The following CAMTA1 variants were observed in gnomAD, a reference collection of about 807,000 sequenced individuals.
CAMTA1 encodes the protein calmodulin binding transcription activator 1, also known as calmodulin-binding transcription activator 1.
In CAMTA1, 27 loss-of-function variants were observed where a neutral mutation model predicts 170.9. The observed-to-expected ratio is 0.16, with a 90% CI of 0.12 to 0.22. The LOEUF (loss-of-function observed/expected upper bound fraction) is 0.22. Ranked by LOEUF, CAMTA1 falls within the 10% of genes least tolerant of loss-of-function variation. The probability of loss-of-function intolerance (pLI) is 1.00; values close to 1 mark genes in which losing one functional copy is unlikely to be tolerated. For synonymous variants in CAMTA1, 833 were observed against 891.5 expected, an observed-to-expected ratio of 0.93 and a Z score of 1.17; for missense variants, 1,619 against 2,217.2, an observed-to-expected ratio of 0.73 and a Z score of 5.42.
At chr1:7,374,815 G>A (rs550757549) in intron 5 of CAMTA1, among the ~76,000 whole-genome samples, 19 of 152,282 alleles carry the variant, frequency 1.2e-4, no homozygotes, top group Non-Finnish European at 2.4e-4. Context: ...TTACCCCCAC[G>A]TTGCAAGGGA....
intron 4 of CAMTA1, among the ~76,000 whole-genome samples, chr1:7,221,008 AT>A (rs1384289763): frequency 6.6e-6 from 1 of 152,096 alleles, no homozygotes; most frequent in East Asian, 1.9e-4. Flanking sequence ...CTCACGGGGA[AT>A]TCCTCCTAGA....
intron 4 of CAMTA1, among the ~76,000 whole-genome samples, chr1:7,150,855 C>G (rs1646531444): frequency 6.6e-6 from 1 of 152,202 alleles, no homozygotes; most frequent in Admixed American, 6.5e-5. Flanking sequence ...GTTGTCACTA[C>G]TGGCTGGTGC....
intron 3 of CAMTA1, among the ~76,000 whole-genome samples, chr1:6,900,144 G>A (rs1013860641): frequency 6.6e-6 from 1 of 152,216 alleles, no homozygotes; most frequent in African/African-American, 2.4e-5. Context: ...AGGTGATAGA[G>A]CCTGGAGATA....
chr1:7,330,034 C>T (rs555947271), intron 5 of CAMTA1, among the ~76,000 whole-genome samples: 32 of 152,274 alleles, frequency 2.1e-4, no homozygotes, highest in Admixed American at 1.0e-3. Flanking sequence ...CTTCTTTCTT[C>T]CCCAACACTT....
At chr1:7,145,293 A>C (rs1646118909) in intron 4 of CAMTA1, among the ~76,000 whole-genome samples, 1 of 152,214 alleles carries the variant, frequency 6.6e-6, no homozygotes, top group Non-Finnish European at 1.5e-5. Flanking sequence ...TTTATCTTGC[A>C]TTAAATAATG....
intron 11 of CAMTA1, among the ~76,000 whole-genome samples, chr1:7,713,087 G>A (rs2096583365): frequency 6.6e-6 from 1 of 152,206 alleles, no homozygotes; most frequent in African/African-American, 2.4e-5. Context: ...TTAAAGAAGT[G>A]ATTCTGTCTG....
At chr1:7,518,606 A>G (rs1395830189) in intron 6 of CAMTA1, among the ~76,000 whole-genome samples, 1 of 151,988 alleles carries the variant, frequency 6.6e-6, no homozygotes, top group African/African-American at 2.4e-5. Context: ...CACTGCCCTC[A>G]GGAGAAATGG....
chr1:7,732,602 A>G lies in CAMTA1; in HGVS notation c.3066+3A>G, dbSNP rs1485203198. 5.0e-6 allele frequency: 8 copies of G among 1,596,210 alleles called. No homozygotes were observed. Among genetic ancestry groups the G allele is most frequent in the Non-Finnish European group, 6.8e-6 (8 of 1,171,660 alleles). On this transcript the variant is annotated splice_donor_region_variant and intron_variant, in intron 12 of 22. Transcript: ENST00000303635. This position sits in a 1 kb window ranked among gnomAD's most constrained non-coding sequence, Gnocchi z 4.1. Reference sequence around the variant, plus strand: ...GGAATGGAGGGAGCCAGGCACAGGTACGAGGCGGTGCTGATGCTCAGCTCC... The same window carrying G: ...GGAATGGAGGGAGCCAGGCACAGGTGCGAGGCGGTGCTGATGCTCAGCTCC...
chr1:7,677,465 T>C (rs2096133454), intron 10 of CAMTA1, 134 bp from the exon 11 acceptor site: 2 of 1,043,830 alleles, frequency 1.9e-6, no homozygotes, highest in African/African-American at 1.6e-5. Context: ...TGAGCAGGCA[T>C]AGGCTACCAT....
At chr1:7,414,816 G>T (rs2091045009) in intron 5 of CAMTA1, among the ~76,000 whole-genome samples, 1 of 151,820 alleles carries the variant, frequency 6.6e-6, no homozygotes, top group Admixed American at 6.6e-5. Context: ...GAATGTGTTT[G>T]TTCTTGCTTT....
intron 6 of CAMTA1, among the ~76,000 whole-genome samples, chr1:7,596,207 CT>C (rs571584121): frequency 1.3e-3 from 205 of 152,342 alleles, no homozygotes; most frequent in African/African-American, 4.8e-3. Context: ...CAGGAGCCAG[CT>C]TCAGGGGAAG....
intron 11 of CAMTA1, among the ~76,000 whole-genome samples, chr1:7,689,335 A>C (rs2096285790): frequency 6.6e-6 from 1 of 151,552 alleles, no homozygotes; most frequent in Non-Finnish European, 1.5e-5. Context: ...GCACTTTTGG[A>C]AGCTGAGGCA....
At chr1:7,749,263 A>G (rs897089830) in intron 19 of CAMTA1, among the ~76,000 whole-genome samples, 3 of 152,084 alleles carry the variant, frequency 2.0e-5, no homozygotes, top group Non-Finnish European at 2.9e-5. Flanking sequence ...AATTTCTGAT[A>G]TGGGTTGCCG....
intron 3 of CAMTA1, among the ~76,000 whole-genome samples, chr1:6,998,739 A>G (rs560539519): frequency 6.6e-6 from 1 of 152,372 alleles, no homozygotes; most frequent in Admixed American, 6.5e-5. Context: ...TGGATGCTCA[A>G]TAAATATTTG....
chr1:7,118,233 A>C (rs1644447388), intron 4 of CAMTA1, among the ~76,000 whole-genome samples: 1 of 150,328 alleles, frequency 6.7e-6, no homozygotes, highest in Admixed American at 6.6e-5. Context: ...GAGGGACTCT[A>C]GAGTTGGGAG....
chr1:6,888,307 T>C, intron 3 of CAMTA1: 1 of 954,902 alleles, frequency 1.0e-6, no homozygotes, highest in Non-Finnish European at 1.2e-6. Flanking sequence ...GAAAGAAGCA[T>C]AAAGCTTTTG....
At chr1:6,805,591 G>T (rs1001332701) in intron 1 of CAMTA1, among the ~76,000 whole-genome samples, 7 of 152,160 alleles carry the variant, frequency 4.6e-5, no homozygotes, top group Admixed American at 3.9e-4. Context: ...CTGCAGTCTT[G>T]CCTGCCTGGG....
At chr1:7,659,862 T>C (rs1366565999) in intron 7 of CAMTA1, among the ~76,000 whole-genome samples, 4 of 152,370 alleles carry the variant, frequency 2.6e-5, no homozygotes, top group African/African-American at 9.6e-5. Flanking sequence ...TGTTTTCTCC[T>C]GGCCAGTTCT....
At chr1:7,710,461 A>T in intron 11 of CAMTA1, among the ~76,000 whole-genome samples, 1 of 151,958 alleles carries the variant, frequency 6.6e-6, no homozygotes. Context: ...ATAGCTGGAC[A>T]CAGTGGCACA....
Sources: allele counts gnomAD v4.1 joint callset (sites outside exome capture counted in the v4.1 genomes callset), GRCh38; gene constraint gnomAD v4.1.1; non-coding constraint Gnocchi (gnomAD v3.1); transcripts MANE v1.5; gene names NCBI Gene and HGNC (gene_info 2026-07-23, HGNC 2026-07-21).